BABAM2: variants seen among roughly 807,000 people sequenced by gnomAD.
BABAM2 encodes the protein BRISC and BRCA1-A complex member 2.
A neutral mutation model predicts 54.7 loss-of-function variants in BABAM2; 31 were observed. That is an observed-to-expected ratio of 0.57 (90% CI 0.43 to 0.77). The LOEUF is 0.77. Among genes scored for constraint, BABAM2 ranks in the 30% least tolerant of loss-of-function variants. The pLI, the probability that BABAM2 is intolerant of heterozygous loss-of-function variation, is 0.00. For synonymous variants in BABAM2, 167 were observed against 162.9 expected (o/e 1.03, Z -0.19); for missense variants, 364 against 455.8 (o/e 0.80, Z 1.83).
At chr2:27,916,769 T>C (rs1319696030) in intron 2 of BABAM2, among the ~76,000 whole-genome samples, 1 of 152,216 alleles carries the variant, frequency 6.6e-6, no homozygotes, top group Non-Finnish European at 1.5e-5. Flanking sequence ...CCAGTGAACC[T>C]TCCTTGGTTA....
intron 10 of BABAM2, among the ~76,000 whole-genome samples, chr2:28,249,530 T>C (rs1683243501): frequency 1.3e-5 from 2 of 152,182 alleles, no homozygotes; most frequent in Admixed American, 6.5e-5. Flanking sequence ...GTCTAGTTGA[T>C]GAGAAAAAAG....
intron 7 of BABAM2, among the ~76,000 whole-genome samples, chr2:28,150,311 T>C (rs1326710018): frequency 6.6e-6 from 1 of 152,236 alleles, no homozygotes; most frequent in African/African-American, 2.4e-5. Context: ...TTCTATCTGC[T>C]GTCCCACATG....
intron 7 of BABAM2, among the ~76,000 whole-genome samples, chr2:28,205,981 C>T (rs1024091395): frequency 3.3e-5 from 5 of 152,012 alleles, no homozygotes; most frequent in Non-Finnish European, 7.4e-5. Context: ...GTGGAAAAAT[C>T]AAGTAGGAAT....
intron 6 of BABAM2, among the ~76,000 whole-genome samples, chr2:28,072,716 C>G (rs1321800756): frequency 6.6e-6 from 1 of 152,174 alleles, no homozygotes; most frequent in Non-Finnish European, 1.5e-5. Context: ...AAATATTTAG[C>G]TATTACAGTT....
At chr2:28,122,308 T>A (rs949122606) in intron 6 of BABAM2, among the ~76,000 whole-genome samples, 1 of 152,064 alleles carries the variant, frequency 6.6e-6, no homozygotes, top group African/African-American at 2.4e-5. Flanking sequence ...AATACCATTT[T>A]AAAATGGTGC....
At chr2:28,164,441 C>T (rs977505620) in intron 7 of BABAM2, among the ~76,000 whole-genome samples, 6 of 151,908 alleles carry the variant, frequency 3.9e-5, no homozygotes, top group Admixed American at 6.6e-5. Context: ...ACACACAGGC[C>T]GCAGAGCCTG....
intron 2 of BABAM2, among the ~76,000 whole-genome samples, chr2:27,920,654 G>T (rs1320243620): frequency 6.6e-6 from 1 of 152,050 alleles, no homozygotes; most frequent in African/African-American, 2.4e-5. Context: ...AATATTGTTG[G>T]TTTAGCACAA....
At chr2:28,306,996 T>C (rs769798751) in intron 11 of BABAM2, among the ~76,000 whole-genome samples, 7 of 26,806 alleles carry the variant, frequency 2.6e-4, no homozygotes, top group Non-Finnish European at 3.7e-4. Flanking sequence ...ACACCTGGCC[T>C]TTTTTTTTTT....
chr2:27,923,739 G>A (rs879544153), intron 2 of BABAM2, among the ~76,000 whole-genome samples: 1 of 152,202 alleles, frequency 6.6e-6, no homozygotes, highest in Non-Finnish European at 1.5e-5. Context: ...GGGAGGCTGA[G>A]GCAGGAGGAT....
chr2:28,251,355 A>T (rs1683464957), intron 10 of BABAM2, among the ~76,000 whole-genome samples: 1 of 152,174 alleles, frequency 6.6e-6, no homozygotes, highest in Non-Finnish European at 1.5e-5. Context: ...TAAATTAGAA[A>T]TCAGGACAGC....
chr2:28,001,447 C>T (rs1340175674), intron 4 of BABAM2, among the ~76,000 whole-genome samples: 2 of 152,192 alleles, frequency 1.3e-5, no homozygotes, highest in African/African-American at 2.4e-5. Flanking sequence ...CATATTTAGG[C>T]ACTGTGCTCC....
At chr2:28,226,291 C>T (rs1446809382) in intron 7 of BABAM2, among the ~76,000 whole-genome samples, 1 of 152,180 alleles carries the variant, frequency 6.6e-6, no homozygotes, top group Admixed American at 6.5e-5. Context: ...CTTTCCAAGA[C>T]CGTTAAACTC....
Position 28,116,581 on chromosome 2 carries a change from T to C in BABAM2, c.571-12690T>C, listed in dbSNP as rs865812146. 1.8e-4 allele frequency among the ~76,000 whole-genome samples: 28 copies of C among 152,298 alleles called. No homozygotes were observed. The Middle Eastern group carries it at 0.024, about 130-fold the overall frequency. On this transcript the variant is annotated intron_variant, in intron 6 of 11. Transcript: ENST00000379624. ...GCTTCTAGGGTGGCTTTCCCTTCTGTCTTCACTCACAGAGCCACCTGGGAA... is the reference window on the plus strand; with the variant it reads ...GCTTCTAGGGTGGCTTTCCCTTCTGCCTTCACTCACAGAGCCACCTGGGAA...
intron 2 of BABAM2, among the ~76,000 whole-genome samples, chr2:27,906,774 A>G (rs1212696704): frequency 1.3e-5 from 2 of 152,054 alleles, no homozygotes; most frequent in Non-Finnish European, 2.9e-5. Flanking sequence ...AAATTCATCT[A>G]GTCTATTCCT....
chr2:27,978,295 C>T (rs544825980), intron 3 of BABAM2, among the ~76,000 whole-genome samples: 1 of 152,304 alleles, frequency 6.6e-6, no homozygotes, highest in East Asian at 1.9e-4. Context: ...CCCTTCACCT[C>T]CTGCCATGAT....
At chr2:28,136,155 G>C (rs777451601) in intron 7 of BABAM2, among the ~76,000 whole-genome samples, 5 of 152,224 alleles carry the variant, frequency 3.3e-5, no homozygotes, top group Non-Finnish European at 7.4e-5. Context: ...ACCTTGCTCA[G>C]GCTGCTCCTT....
intron 11 of BABAM2, among the ~76,000 whole-genome samples, chr2:28,337,387 C>T (rs558066485): frequency 1.3e-5 from 2 of 152,286 alleles, no homozygotes; most frequent in East Asian, 1.9e-4. Flanking sequence ...CCCATGTGTC[C>T]GTCTCCTCCA....
At chr2:27,994,158 T>TAAG (rs770084956) in intron 4 of BABAM2, among the ~76,000 whole-genome samples, 9 of 152,136 alleles carry the variant, frequency 5.9e-5, no homozygotes, top group Non-Finnish European at 1.3e-4. Context: ...TAAGCAGAAT[T>TAAG]ATAGCACAGG....
intron 7 of BABAM2, among the ~76,000 whole-genome samples, chr2:28,131,380 C>CCAAAGAGTGTTT (rs144248752): frequency 8.9e-5 from 9 of 101,630 alleles, no homozygotes; most frequent in African/African-American, 7.8e-5. Flanking sequence ...CGCGCCCGGC[C>CCAAAGAGTGTTT]TATTATTTTT....
Sources: gnomAD v4.1 joint callset for allele counts (sites outside exome capture counted in the v4.1 genomes callset) on GRCh38, gnomAD v4.1.1 for gene constraint, MANE v1.5 for transcripts, NCBI Gene and HGNC (gene_info 2026-07-23, HGNC 2026-07-21) for gene names.